Variants in KHDRBS2 observed in about 807,000 individuals in gnomAD.
The protein encoded by KHDRBS2 is KH RNA binding domain containing, signal transduction associated 2, also known as KH domain-containing, RNA-binding, signal transduction-associated protein 2.
KHDRBS2 carries 26 observed loss-of-function variants against 44.3 expected under a neutral mutation model. The ratio of observed to expected loss-of-function variants is 0.59; its 90% confidence interval spans 0.43 to 0.81. The LOEUF (loss-of-function observed/expected upper bound fraction) is 0.81. KHDRBS2 is among the 40% of genes least tolerant of loss of function. The probability of loss-of-function intolerance (pLI) is 0.00; values close to 1 mark genes in which losing one functional copy is unlikely to be tolerated. For synonymous variants in KHDRBS2, 194 were observed against 151.1 expected (o/e 1.28, Z -2.08); for missense variants, 476 against 433.1 (o/e 1.10, Z -0.88).
intron 6 of KHDRBS2, among the ~76,000 whole-genome samples, chr6:61,800,044 C>A (rs1282698733): frequency 6.6e-6 from 1 of 151,900 alleles, no homozygotes; most frequent in Non-Finnish European, 1.5e-5. Flanking sequence ...TATAATATGC[C>A]TATAAGTATT....
At chr6:62,083,060 TAAA>T (rs1797707340) in intron 2 of KHDRBS2, among the ~76,000 whole-genome samples, 1 of 152,152 alleles carries the variant, frequency 6.6e-6, no homozygotes. Flanking sequence ...ACCTGTGGCC[TAAA>T]GTAAGAACAT....
At chr6:61,715,194 C>A (rs543784470) in intron 7 of KHDRBS2, among the ~76,000 whole-genome samples, 9 of 151,672 alleles carry the variant, frequency 5.9e-5, no homozygotes, top group Non-Finnish European at 1.2e-4. Flanking sequence ...AAACAACGAA[C>A]GCATAGAAAT....
intron 2 of KHDRBS2, among the ~76,000 whole-genome samples, chr6:62,176,574 C>T (rs1174166890): frequency 1.3e-5 from 2 of 151,230 alleles, no homozygotes; most frequent in East Asian, 3.9e-4. Context: ...TCTGTTTACC[C>T]ATTGAAATGT....
At chr6:62,228,262 G>A (rs1326448075) in intron 1 of KHDRBS2, among the ~76,000 whole-genome samples, 1 of 152,130 alleles carries the variant, frequency 6.6e-6, no homozygotes, top group Admixed American at 6.5e-5. Context: ...GAGGGTATAT[G>A]TGTCCAGGAA....
rs940537549 is a variant in KHDRBS2 at position 62,184,395 on chromosome 6, A to C, written c.92-7083T>G. On this transcript the variant is annotated intron_variant, in intron 1 of 8. Transcript: ENST00000281156. ...AAACATCAATGGAACTTTGCCACGA[A>C]TATCTGCATTATAACCCTGTAGAGT... Among the ~76,000 whole-genome samples, 16 of 151,896 alleles carry C rather than the reference A, an allele frequency of 1.1e-4. 1 individual carries two copies. Among genetic ancestry groups the C allele is most frequent in the Admixed American group, 5.9e-4 (9 of 15,186 alleles).
the KHDRBS2 span, among the ~76,000 whole-genome samples, chr6:61,583,338 A>T: frequency 3.3e-5 from 5 of 151,764 alleles, no homozygotes; most frequent in Admixed American, 2.6e-4. Flanking sequence ...TGCTGAGTAG[A>T]ACACTATTTT....
chr6:61,615,242 AAAAAAAAAAG>A, the KHDRBS2 span, among the ~76,000 whole-genome samples: 1 of 148,872 alleles, frequency 6.7e-6, no homozygotes, highest in African/African-American at 2.5e-5. Context: ...CCAAAAAAAA[AAAAAAAAAAG>A]AAAGAAAAAA....
At chr6:62,204,885 G>A (rs1827680463) in intron 1 of KHDRBS2, among the ~76,000 whole-genome samples, 1 of 151,988 alleles carries the variant, frequency 6.6e-6, no homozygotes, top group African/African-American at 2.4e-5. Context: ...AAAAAAAAAT[G>A]TATAAATGGG....
intron 2 of KHDRBS2, among the ~76,000 whole-genome samples, chr6:62,115,190 C>G (rs1225824847): frequency 6.6e-6 from 1 of 152,046 alleles, no homozygotes; most frequent in African/African-American, 2.4e-5. Context: ...GTCAGTTTTA[C>G]CCCAAAAGAG....
intron 2 of KHDRBS2, among the ~76,000 whole-genome samples, chr6:62,158,832 T>A (rs564493897): frequency 2.0e-5 from 3 of 152,224 alleles, no homozygotes; most frequent in South Asian, 2.1e-4. Flanking sequence ...GCTTTTTTTT[T>A]AAACCTTAGC....
At chr6:62,255,167 C>CT (rs1837159852) in intron 1 of KHDRBS2, among the ~76,000 whole-genome samples, 1 of 151,994 alleles carries the variant, frequency 6.6e-6, no homozygotes, top group Non-Finnish European at 1.5e-5. Flanking sequence ...CCAAAGTCTC[C>CT]TTAACATCCA....
At chr6:61,770,695 C>A (rs9451761) in intron 6 of KHDRBS2, among the ~76,000 whole-genome samples, 4,320 of 152,070 alleles carry the variant, frequency 0.028, 222 homozygotes, top group African/African-American at 0.1. Flanking sequence ...GTGAAAAGAC[C>A]AAATCTACAT....
intron 4 of KHDRBS2, among the ~76,000 whole-genome samples, chr6:61,907,018 T>C (rs1333853778): frequency 6.6e-6 from 1 of 152,166 alleles, no homozygotes; most frequent in East Asian, 1.9e-4. Flanking sequence ...AAATTTACAT[T>C]CCCACCAAAC....
rs527375293 is a variant in KHDRBS2, at chr6:61,815,578, G to C, written c.810+79057C>G. 1.6e-4 allele frequency among the ~76,000 whole-genome samples: 25 copies of C among 152,186 alleles called. No homozygotes were observed. In the South Asian group the frequency reaches 5.0e-3, roughly 30 times the overall value. On this transcript the variant is annotated intron_variant, in intron 6 of 8. Coordinates refer to ENST00000281156, the MANE Select transcript of KHDRBS2 (RefSeq NM_152688.4). ...AAGAGGTTGGTTGGGATTATCTCTA[G>C]GATCAATGGCAATGAACAAGAGGGA... is the stretch of plus-strand genomic sequence containing the variant.
chr6:62,196,144 AT>A (rs1825653386), intron 1 of KHDRBS2, among the ~76,000 whole-genome samples: 1 of 152,184 alleles, frequency 6.6e-6, no homozygotes, highest in South Asian at 2.1e-4. Context: ...AGAAAACAGA[AT>A]TTGAAATCCC....
intron 4 of KHDRBS2, among the ~76,000 whole-genome samples, chr6:61,901,609 C>G (rs1318267649): frequency 1.3e-5 from 2 of 152,080 alleles, no homozygotes; most frequent in Non-Finnish European, 2.9e-5. Context: ...AGCAGGACAT[C>G]ACATTAGATT....
At chr6:61,604,255 G>A in the KHDRBS2 span, among the ~76,000 whole-genome samples, 3 of 151,510 alleles carry the variant, frequency 2.0e-5, no homozygotes, top group South Asian at 6.3e-4. Flanking sequence ...TACTTCCAAA[G>A]GAAGCTGGAG....
At chr6:61,824,985 C>T (rs1467725535) in intron 6 of KHDRBS2, among the ~76,000 whole-genome samples, 1 of 152,068 alleles carries the variant, frequency 6.6e-6, no homozygotes, top group Non-Finnish European at 1.5e-5. Context: ...AATTCCTATG[C>T]TATAGGTTAT....
rs769389411 is a variant in KHDRBS2, at chr6:62,177,156, A to G, written c.219+29T>C. ...TTCTTTTATCATTTCTAAATCAATT[A>G]TATGAGAACAAAGTATATATGGTAG... On this transcript the variant is annotated intron_variant, in intron 2 of 8. Transcript: ENST00000281156. 4.7e-6 allele frequency: 6 copies of G among 1,281,494 alleles called. No individual in the cohort carries two copies. In the East Asian group the frequency reaches 1.2e-4, roughly 25 times the overall value. The allele number at this position is 1,281,494 out of a possible 1,614,324, so 79.4% of individuals were successfully genotyped here. A position where few individuals can be genotyped will look rare whatever the true frequency, so the allele number is the denominator to read the frequency against.
Sources: allele counts gnomAD v4.1 joint callset (sites outside exome capture counted in the v4.1 genomes callset), GRCh38; gene constraint gnomAD v4.1.1; transcripts MANE v1.5; gene names NCBI Gene and HGNC (gene_info 2026-07-23, HGNC 2026-07-21).